Variants in FAM163A observed in about 807,000 individuals in gnomAD.
The protein encoded by FAM163A is family with sequence similarity 163 member A.
Under a neutral mutation model 12.0 loss-of-function variants are expected in FAM163A, and 7 were observed. The ratio of observed to expected loss-of-function variants is 0.58; its 90% CI spans 0.33 to 1.10. The LOEUF (loss-of-function observed/expected upper bound fraction) is 1.10, where lower values mean the gene tolerates loss of function less well. FAM163A is among the 50% of genes least tolerant of loss of function. FAM163A has a pLI of 0.03. For missense variants in FAM163A, 202 were observed against 218.6 expected, an observed-to-expected ratio of 0.92 and a Z score of 0.48; for synonymous variants, 101 against 91.0, an observed-to-expected ratio of 1.11 and a Z score of -0.62.
intron 1 of FAM163A, among the ~76,000 whole-genome samples, chr1:179,773,399 A>T (rs533467476): frequency 6.6e-6 from 1 of 152,306 alleles, no homozygotes; most frequent in Admixed American, 6.5e-5. Flanking sequence ...AGAAATCCAA[A>T]TGTCACTAGA....
intron 1 of FAM163A, among the ~76,000 whole-genome samples, chr1:179,806,629 G>T (rs1406207029): frequency 6.6e-6 from 1 of 152,176 alleles, no homozygotes; most frequent in African/African-American, 2.4e-5. Context: ...TTGGGAAGGT[G>T]GCTCTGTGGA....
At chr1:179,791,751 A>G (rs1379638688) in intron 1 of FAM163A, among the ~76,000 whole-genome samples, 1 of 152,200 alleles carries the variant, frequency 6.6e-6, no homozygotes, top group African/African-American at 2.4e-5. Flanking sequence ...TACAAATGTT[A>G]GGATAGCAAG....
chr1:179,750,496 A>G (rs1685116868), intron 1 of FAM163A, among the ~76,000 whole-genome samples: 1 of 152,086 alleles, frequency 6.6e-6, no homozygotes, highest in African/African-American at 2.4e-5. Context: ...ACTTTGGGAG[A>G]TGGGAGAGGA....
At chr1:179,753,662 T>C (rs1258394890) in intron 1 of FAM163A, among the ~76,000 whole-genome samples, 2 of 151,792 alleles carry the variant, frequency 1.3e-5, no homozygotes, top group African/African-American at 2.4e-5. Flanking sequence ...TAGGTGTGTA[T>C]ATGGTGGTGG....
the FAM163A span, among the ~76,000 whole-genome samples, chr1:179,729,237 C>G: frequency 1.3e-5 from 2 of 152,124 alleles, no homozygotes; most frequent in Non-Finnish European, 2.9e-5. Flanking sequence ...CCTTGCATTG[C>G]CATATAGGTG....
intron 1 of FAM163A, among the ~76,000 whole-genome samples, chr1:179,766,795 G>A (rs1052712897): frequency 6.7e-5 from 10 of 149,026 alleles, no homozygotes; most frequent in African/African-American, 1.5e-4. Flanking sequence ...TACTCTTGTC[G>A]CCCAGGCTGG....
At chr1:179,768,097 T>C (rs1687753405) in intron 1 of FAM163A, among the ~76,000 whole-genome samples, 1 of 152,224 alleles carries the variant, frequency 6.6e-6, no homozygotes, top group Admixed American at 6.5e-5. Context: ...AATCATATGG[T>C]ATTTGTTCTT....
intron 1 of FAM163A, among the ~76,000 whole-genome samples, chr1:179,767,778 A>G (rs991174505): frequency 2.6e-5 from 4 of 152,186 alleles, no homozygotes; most frequent in African/African-American, 7.2e-5. Flanking sequence ...ACAGCATCCC[A>G]GAATTTTACG....
chr1:179,804,618 GC>G (rs1693664025), intron 1 of FAM163A, among the ~76,000 whole-genome samples: 2 of 152,210 alleles, frequency 1.3e-5, no homozygotes, highest in African/African-American at 2.4e-5. Flanking sequence ...GGAATACTAT[GC>G]AGCCATAAAG....
At chr1:179,749,493 G>A (rs1183315796) in intron 1 of FAM163A, among the ~76,000 whole-genome samples, 1 of 152,222 alleles carries the variant, frequency 6.6e-6, no homozygotes, top group African/African-American at 2.4e-5. Flanking sequence ...ACTTGTTTAT[G>A]TCATAAAACC....
At chr1:179,763,553 C>T (rs1038832748) in intron 1 of FAM163A, among the ~76,000 whole-genome samples, 1 of 152,216 alleles carries the variant, frequency 6.6e-6, no homozygotes, top group African/African-American at 2.4e-5. Flanking sequence ...CTGGGATGCA[C>T]TCTGCTTTTT....
At chr1:179,741,744 G>C (rs757594756), upstream of FAM163A, among the ~76,000 whole-genome samples, 1 of 152,210 alleles carries the variant, frequency 6.6e-6, no homozygotes. Context: ...AACTGTAGTG[G>C]TTAGGGATAC....
the FAM163A span, among the ~76,000 whole-genome samples, chr1:179,731,930 A>G: frequency 2.0e-5 from 3 of 152,374 alleles, no homozygotes; most frequent in South Asian, 6.2e-4. Context: ...ATATTTTTGC[A>G]TAATCTTGAG....
chr1:179,747,277 C>T (rs543589837), intron 1 of FAM163A, among the ~76,000 whole-genome samples: 54 of 152,180 alleles, frequency 3.5e-4, no homozygotes, highest in Non-Finnish European at 5.7e-4. Context: ...GTGTGTCCTA[C>T]ATGCCCCTTT....
At chr1:179,756,270 G>A (rs945254796) in intron 1 of FAM163A, among the ~76,000 whole-genome samples, 5 of 152,206 alleles carry the variant, frequency 3.3e-5, no homozygotes, top group Non-Finnish European at 7.3e-5. Context: ...CTAGTCAAGA[G>A]GTAATGAGGA....
chr1:179,744,321 G>A (rs1017169528), intron 1 of FAM163A, among the ~76,000 whole-genome samples: 2 of 152,080 alleles, frequency 1.3e-5, no homozygotes, highest in African/African-American at 4.8e-5. Flanking sequence ...CCGCGGCCCA[G>A]AGGGGGGCCT....
intron 1 of FAM163A, among the ~76,000 whole-genome samples, chr1:179,787,499 G>A (rs1316301241): frequency 2.6e-5 from 4 of 152,150 alleles, no homozygotes; most frequent in Non-Finnish European, 5.9e-5. Flanking sequence ...ACATGACCCT[G>A]AGAGCATTGC....
intron 1 of FAM163A, among the ~76,000 whole-genome samples, chr1:179,768,390 T>A (rs1336607077): frequency 1.3e-5 from 2 of 152,214 alleles, no homozygotes; most frequent in Admixed American, 6.5e-5. Flanking sequence ...GCCAATAAGA[T>A]GTCTGTTTGT....
intron 1 of FAM163A, among the ~76,000 whole-genome samples, chr1:179,798,675 G>C (rs2148298205): frequency 6.6e-6 from 1 of 152,326 alleles, no homozygotes; most frequent in South Asian, 2.1e-4. Context: ...GTCTGGCCCA[G>C]TCAGATCCGA....
Sources: gnomAD v4.1 joint callset for allele counts (sites outside exome capture counted in the v4.1 genomes callset) on GRCh38, gnomAD v4.1.1 for gene constraint, MANE v1.5 for transcripts, NCBI Gene and HGNC (gene_info 2026-07-23, HGNC 2026-07-21) for gene names.